The following OR4K17 variants were observed in gnomAD, a reference collection of about 807,000 sequenced individuals.
OR4K17 encodes olfactory receptor family 4 subfamily K member 17.
For missense variants in OR4K17, 480 were observed against 366.3 expected (o/e 1.31, Z -2.53); for synonymous variants, 157 against 132.8 (o/e 1.18, Z -1.25).
In OR4K17 at chr14:20,120,296, A is replaced by G. The variant is rs1020813633; in HGVS notation, c.*1858A>G. On this transcript the variant is annotated 3_prime_UTR_variant, in exon 2 of 2. Coordinates refer to ENST00000641386, the MANE Select transcript of OR4K17 (RefSeq NM_001004715.5). ...GAAACCAGTAATTCAGACTTTCCAT[A>G]TCTACCTACACTCATTTTTCTTGTA... 1 of 152,208 alleles carries G rather than the reference A, an allele frequency of 6.6e-6. No homozygotes were observed. Among genetic ancestry groups the G allele is most frequent in the East Asian group, 1.9e-4 (1 of 5,202 alleles). 9.4% of individuals were successfully genotyped at this position (152,208 alleles called of 1,614,324 possible). A position where few individuals can be genotyped will look rare whatever the true frequency, so the allele number is the denominator to read the frequency against.
chr14:20,112,191 A>G (rs1163694987), intron 1 of OR4K17: 5 of 152,084 alleles, frequency 3.3e-5, no homozygotes, highest in African/African-American at 9.7e-5. Flanking sequence ...CTGACAGTGA[A>G]TTTCAGAAAT....
chr14:20,118,398 A>G lies in OR4K17; in HGVS notation c.899A>G (p.Lys300Arg). ...RNKEMKISMK[K>R]LWRAFVNSRE... ...AAAGAAATGAAGATATCCATGAAAA[A>G]ACTCTGGAGAGCTTTTGTGAATTCT... is the stretch of plus-strand genomic sequence containing the variant. Residue 300 changes from lysine to arginine, a missense_variant, in exon 2 of 2, where the codon AAA becomes AGA. Physicochemically the swap from Lys to Arg is conservative, Grantham distance 26 (BLOSUM62 2). Coordinates refer to ENST00000641386, the MANE Select transcript of OR4K17 (RefSeq NM_001004715.5). The G allele has an allele frequency of 6.2e-7, 1 of 1,606,248 alleles. No individual in the cohort carries two copies. The highest frequency in any genetic ancestry group is 8.5e-7 in the Non-Finnish European group (1 of 1,175,808).
chr14:20,117,562 G>A lies in OR4K17; in HGVS notation c.63G>A (p.Gln21=), dbSNP rs773629673. The A allele has an allele frequency of 1.2e-6, 2 of 1,613,964 alleles. No homozygotes were observed. The highest frequency in any genetic ancestry group is 2.2e-5 in the East Asian group (1 of 44,866). ...EFILLGLTSS[Q]DVEFLLFALF... is the part of the protein sequence containing the mutation. ...TTTTGCTGGGACTGACCAGCTCCCA[G>A]GATGTAGAGTTTCTTCTCTTTGCCC... is the stretch of plus-strand genomic sequence containing the variant. The change falls in exon 2 of 2, where the codon CAG becomes CAA. Residue 21 remains glutamine (Q), a synonymous_variant. Transcript: ENST00000641386.
intron 1 of OR4K17, among the ~76,000 whole-genome samples, chr14:20,114,287 A>G (rs1016611522): frequency 6.6e-6 from 1 of 151,956 alleles, no homozygotes; most frequent in Non-Finnish European, 1.5e-5. Flanking sequence ...AGGTGTGTCT[A>G]AAAAGTATTT....
intron 1 of OR4K17, among the ~76,000 whole-genome samples, chr14:20,113,905 A>C (rs1877932811): frequency 6.6e-6 from 1 of 152,018 alleles, no homozygotes; most frequent in Non-Finnish European, 1.5e-5. Flanking sequence ...TTTTCAAACA[A>C]GTGAGATCCC....
In OR4K17 at chr14:20,117,819, T is replaced by C. The variant is rs1366162793; in HGVS notation, c.320T>C (p.Leu107Pro). ...ACTCAGATATTTCTCCTTCACTTACTGGGTGGGGTTGAAATGGTACTGTTG... is the reference window on the plus strand; with the variant it reads ...ACTCAGATATTTCTCCTTCACTTACCGGGTGGGGTTGAAATGGTACTGTTG... ...CFTQIFLLHL[L>P]GGVEMVLLVS... The change falls in exon 2 of 2, where the codon CTG (leucine) becomes CCG (proline). Residue 107 changes from leucine (L) to proline (P), a missense_variant. Leu to Pro is a moderately conservative substitution (Grantham distance 98). Coordinates refer to ENST00000641386, the MANE Select transcript of OR4K17 (RefSeq NM_001004715.5). 3 of 1,614,026 alleles carry C rather than the reference T, an allele frequency of 1.9e-6. No individual in the cohort carries two copies. In the African/African-American group the frequency reaches 4.0e-5, roughly 22 times the overall value.
Position 20,111,605 on chromosome 14 carries a change from T to C in OR4K17, c.-33+713T>C, listed in dbSNP as rs1877884865. On this transcript the variant is annotated intron_variant, in intron 1 of 1. Coordinates refer to ENST00000641386, the MANE Select transcript of OR4K17 (RefSeq NM_001004715.5). ...TTTTATCCCCAGTCATCAGCTCTATTTGGAGTTTTGCTTTGGTGTTATTGT... is the reference window on the plus strand; with the variant it reads ...TTTTATCCCCAGTCATCAGCTCTATCTGGAGTTTTGCTTTGGTGTTATTGT... 2.0e-5 allele frequency among the ~76,000 whole-genome samples: 3 copies of C among 152,020 alleles called. No individual in the cohort carries two copies. The South Asian group carries it at 6.2e-4, about 32-fold the overall frequency.
At chr14:20,116,451 C>T (rs1877994360) in intron 1 of OR4K17, among the ~76,000 whole-genome samples, 1 of 152,096 alleles carries the variant, frequency 6.6e-6, no homozygotes, top group African/African-American at 2.4e-5. Flanking sequence ...AGCCTGAAGG[C>T]TCCAGTATGG....
Position 20,118,496 on chromosome 14 carries a change from T to TG in OR4K17, c.*58_*59insG. The TG allele has an allele frequency of 1.0e-6, 1 of 960,916 alleles. No homozygotes were observed. The highest frequency in any genetic ancestry group is 1.6e-6 in the Non-Finnish European group (1 of 643,932). 59.5% of individuals were successfully genotyped at this position (960,916 alleles called of 1,614,324 possible). A position where few individuals can be genotyped will look rare whatever the true frequency, so the allele number is the denominator to read the frequency against. On this transcript the variant is annotated 3_prime_UTR_variant, in exon 2 of 2. Coordinates refer to ENST00000641386, the MANE Select transcript of OR4K17 (RefSeq NM_001004715.5). The stretch of plus-strand genomic sequence containing the variant: ...TGGCTGATGCCTGTAATCCCCACAC[T>TG]TTGGGAGGAATATCAGGGGAACCAG...
chr14:20,121,938 ATAT>A lies in OR4K17; in HGVS notation c.*3504_*3506del, dbSNP rs1878180373. On this transcript the variant is annotated 3_prime_UTR_variant, in exon 2 of 2. Transcript: ENST00000641386. ...ATAACAACTATTTACATTTTATTTG[ATAT>A]TATAAGTTATCTAGAGTTGGTATAA... 6.6e-6 allele frequency: 1 copy of A among 152,266 alleles called. No individual in the cohort carries two copies. The highest frequency in any genetic ancestry group is 2.1e-4 in the South Asian group (1 of 4,826). 9.4% of individuals were successfully genotyped at this position (152,266 alleles called of 1,614,324 possible).
chr14:20,115,947 T>TA (rs1416446682), intron 1 of OR4K17, among the ~76,000 whole-genome samples: 6 of 152,134 alleles, frequency 3.9e-5, no homozygotes, highest in African/African-American at 1.4e-4. Flanking sequence ...GATTCAAAGT[T>TA]AAAATCAAAT....
intron 1 of OR4K17, among the ~76,000 whole-genome samples, chr14:20,115,470 T>C (rs1877968927): frequency 6.6e-6 from 1 of 152,096 alleles, no homozygotes; most frequent in South Asian, 2.1e-4. Context: ...TCAAGTATCA[T>C]TTCATTAAAG....
At chr14:20,113,899 C>T (rs867240073) in intron 1 of OR4K17, among the ~76,000 whole-genome samples, 47 of 152,012 alleles carry the variant, frequency 3.1e-4, no homozygotes, top group African/African-American at 1.1e-3. Flanking sequence ...TCTCTATTTT[C>T]AAACAAGTGA....
rs569300397 is a variant in OR4K17 at position 20,119,645 on chromosome 14, C to G, written c.*1207C>G. The G allele has an allele frequency of 2.0e-5, 3 of 152,344 alleles. No individual in the cohort carries two copies. The South Asian group carries it at 6.2e-4, about 31-fold the overall frequency. The allele number at this position is 152,344 out of a possible 1,614,324, so 9.4% of individuals were successfully genotyped here. ...TTGAGGTCAGGAGTTTGAGACCAGC[C>G]TGGCCAACATGGCGAAACCCTGCCT... On this transcript the variant is annotated 3_prime_UTR_variant, in exon 2 of 2. Transcript: ENST00000641386.
In OR4K17 at chr14:20,119,197, T is replaced by G. The variant is rs1306688946; in HGVS notation, c.*759T>G. 1 of 152,266 alleles carries G rather than the reference T, an allele frequency of 6.6e-6. No homozygotes were observed. The highest frequency in any genetic ancestry group is 6.5e-5 in the Admixed American group (1 of 15,284). The allele number at this position is 152,266 out of a possible 1,614,324, so 9.4% of individuals were successfully genotyped here. ...CAGTCAGACCTAATGGTTATCTCTC[T>G]TGTTCCCTGAACATCGCTGTTATCC... On this transcript the variant is annotated 3_prime_UTR_variant, in exon 2 of 2. Coordinates refer to ENST00000641386, the MANE Select transcript of OR4K17 (RefSeq NM_001004715.5).
In OR4K17 at chr14:20,117,459, T is replaced by C; in HGVS notation, c.-32-9T>C. On this transcript the variant is annotated splice_polypyrimidine_tract_variant and intron_variant, in intron 1 of 1. Coordinates refer to ENST00000641386, the MANE Select transcript of OR4K17 (RefSeq NM_001004715.5). ...CATGGTATGAGTGATCTTTTCTTTC[T>C]CTCTACAGGTCATCCAAGAGCGAGC... 6.2e-7 allele frequency: 1 copy of C among 1,611,458 alleles called. No homozygotes were observed. Among genetic ancestry groups the C allele is most frequent in the Non-Finnish European group, 8.5e-7 (1 of 1,179,188 alleles).
In OR4K17 at chr14:20,117,781, T is replaced by C; in HGVS notation, c.282T>C (p.Phe94=). Reference sequence around the variant, plus strand: ...TAAAAAAGCAGAAGGTAATTTCTTTTGCTGGGTGCTTCACTCAGATATTTC... The same window carrying C: ...TAAAAAAGCAGAAGGTAATTTCTTTCGCTGGGTGCTTCACTCAGATATTTC... ...NLLKKQKVIS[F]AGCFTQIFLL... The change falls in exon 2 of 2, where the codon TTT becomes TTC. Residue 94 remains phenylalanine (F), a synonymous_variant. Transcript: ENST00000641386. The C allele has an allele frequency of 1.9e-6, 3 of 1,614,180 alleles. No homozygotes were observed. Among genetic ancestry groups the C allele is most frequent in the Non-Finnish European group, 8.5e-7 (1 of 1,180,020 alleles).
intron 1 of OR4K17, among the ~76,000 whole-genome samples, chr14:20,113,725 G>A (rs191299568): frequency 6.6e-6 from 1 of 151,976 alleles, no homozygotes; most frequent in Non-Finnish European, 1.5e-5. Flanking sequence ...ACCCTGCTTG[G>A]AGTGACTATA....
chr14:20,114,189 T>C (rs1297554897), intron 1 of OR4K17, among the ~76,000 whole-genome samples: 1 of 151,924 alleles, frequency 6.6e-6, no homozygotes, highest in Non-Finnish European at 1.5e-5. Flanking sequence ...CACACATGGA[T>C]GGTATGGTAA....
Sources: allele counts gnomAD v4.1 joint callset (sites outside exome capture counted in the v4.1 genomes callset), GRCh38; gene constraint gnomAD v4.1.1; transcripts MANE v1.5; gene names NCBI Gene and HGNC (gene_info 2026-07-23, HGNC 2026-07-21).